Variants in TAFA2 observed in about 807,000 individuals in gnomAD.
The protein encoded by TAFA2 is TAFA chemokine like family member 2.
Under a neutral mutation model 18.8 loss-of-function variants are expected in TAFA2, and 7 were observed. The ratio of observed to expected loss-of-function variants is 0.37; its 90% CI spans 0.21 to 0.70. The LOEUF is 0.70. Among genes scored for constraint, TAFA2 ranks in the 30% least tolerant of loss-of-function variants. TAFA2 has a pLI of 0.53. For synonymous variants in TAFA2, 60 were observed against 54.2 expected (o/e 1.11, Z -0.47); for missense variants, 122 against 158.1 (o/e 0.77, Z 1.23).
At chr12:62,187,012 A>G (rs2062590714) in intron 1 of TAFA2, among the ~76,000 whole-genome samples, 1 of 152,164 alleles carries the variant, frequency 6.6e-6, no homozygotes, top group Non-Finnish European at 1.5e-5. Flanking sequence ...AATTTGGAGT[A>G]TGATATCAAT....
At chr12:62,181,877 T>C (rs1417252227) in intron 1 of TAFA2, among the ~76,000 whole-genome samples, 2 of 152,222 alleles carry the variant, frequency 1.3e-5, no homozygotes, top group African/African-American at 2.4e-5. Context: ...GAATCACTTA[T>C]GGAAAGTTAT....
At chr12:62,146,284 C>CTTTTTTT (rs11415151) in intron 1 of TAFA2, among the ~76,000 whole-genome samples, 1 of 117,714 alleles carries the variant, frequency 8.5e-6, no homozygotes, top group Non-Finnish European at 1.7e-5. Context: ...CCCTTTGCTG[C>CTTTTTTT]TTTTTTTTTT....
intron 4 of TAFA2, among the ~76,000 whole-genome samples, chr12:61,727,161 T>C (rs1186701735): frequency 2.0e-5 from 3 of 152,072 alleles, no homozygotes; most frequent in Non-Finnish European, 4.4e-5. Context: ...TGCATCTATG[T>C]TCATCAAGGA....
At chr12:62,089,847 T>C (rs1044643873) in intron 1 of TAFA2, among the ~76,000 whole-genome samples, 4 of 152,124 alleles carry the variant, frequency 2.6e-5, no homozygotes, top group Admixed American at 6.6e-5. Context: ...CTTTTGCTTA[T>C]GCAAATATCA....
intron 1 of TAFA2, among the ~76,000 whole-genome samples, chr12:61,954,712 T>C (rs1878591944): frequency 6.6e-6 from 1 of 152,174 alleles, no homozygotes; most frequent in African/African-American, 2.4e-5. Flanking sequence ...TGTGAGCTGC[T>C]TATTACAATG....
chr12:62,232,776 T>G lies in TAFA2; in HGVS notation c.-130+25987A>C, dbSNP rs190618574. 1.8e-3 allele frequency among the ~76,000 whole-genome samples: 274 copies of G among 151,954 alleles called. 1 individual carries two copies. Among genetic ancestry groups the G allele is most frequent in the African/African-American group, 6.5e-3 (270 of 41,438 alleles). ...ATCCACCCGCCTCAGCCTCCCAAAGTGCTGAGATTACAGGCATGAGCCACC... is the reference window on the plus strand; with the variant it reads ...ATCCACCCGCCTCAGCCTCCCAAAGGGCTGAGATTACAGGCATGAGCCACC... On this transcript the variant is annotated intron_variant, in intron 1 of 5. Coordinates refer to the TAFA2 transcript ENST00000551619.
At chr12:61,932,749 T>G (rs1284887502) in intron 1 of TAFA2, among the ~76,000 whole-genome samples, 1 of 152,172 alleles carries the variant, frequency 6.6e-6, no homozygotes, top group Admixed American at 6.6e-5. Context: ...CCCATAACTC[T>G]TGTAATGGCC....
At chr12:61,821,443 C>G in intron 2 of TAFA2, among the ~76,000 whole-genome samples, 1 of 151,870 alleles carries the variant, frequency 6.6e-6, no homozygotes, top group East Asian at 1.9e-4. Context: ...CATCTTTAGA[C>G]AGCCTACTGA....
At chr12:62,000,580 T>C (rs1880346020) in intron 1 of TAFA2, among the ~76,000 whole-genome samples, 1 of 146,472 alleles carries the variant, frequency 6.8e-6, no homozygotes, top group African/African-American at 2.5e-5. Context: ...AATACTACAG[T>C]GATATATCTA....
intron 1 of TAFA2, among the ~76,000 whole-genome samples, chr12:62,040,851 T>C (rs1489687330): frequency 6.6e-6 from 1 of 152,148 alleles, no homozygotes; most frequent in Non-Finnish European, 1.5e-5. Flanking sequence ...AAGAGAGACA[T>C]GTAAAAATTT....
At chr12:61,825,103 A>T (rs1424871466) in intron 2 of TAFA2, among the ~76,000 whole-genome samples, 1 of 152,190 alleles carries the variant, frequency 6.6e-6, no homozygotes, top group African/African-American at 2.4e-5. Context: ...TAAAGGTAAG[A>T]ATGATGGGCA....
At position 61,710,342 on chromosome 12, in the gene TAFA2, G is replaced by A. The variant is rs1344090033; in HGVS notation, c.*64C>T. On this transcript the variant is annotated 3_prime_UTR_variant, in exon 5 of 5. Transcript: ENST00000416284. ...AATCTTCAAGATCACCTCAGGAGTTGAGTTAAGTTTCTATGCGCATGTTCA... is the reference window on the plus strand; with the variant it reads ...AATCTTCAAGATCACCTCAGGAGTTAAGTTAAGTTTCTATGCGCATGTTCA... 6.7e-6 allele frequency: 10 copies of A among 1,498,580 alleles called. No homozygotes were observed. Among genetic ancestry groups the A allele is most frequent in the Non-Finnish European group, 9.3e-6 (10 of 1,075,526 alleles). The allele number at this position is 1,498,580 out of a possible 1,614,324, so 92.8% of individuals were successfully genotyped here.
intron 1 of TAFA2, among the ~76,000 whole-genome samples, chr12:62,097,535 T>A (rs1455421492): frequency 6.6e-6 from 1 of 152,210 alleles, no homozygotes; most frequent in Admixed American, 6.5e-5. Flanking sequence ...TTGTAGGTCA[T>A]GTTAAATATT....
intron 1 of TAFA2, among the ~76,000 whole-genome samples, chr12:62,211,518 T>A (rs2062714151): frequency 6.6e-6 from 1 of 151,332 alleles, no homozygotes; most frequent in Non-Finnish European, 1.5e-5. Flanking sequence ...AGGCGGAGGT[T>A]GCAGTGAGCC....
chr12:61,837,797 G>C (rs1379918105), intron 2 of TAFA2, among the ~76,000 whole-genome samples: 1 of 152,014 alleles, frequency 6.6e-6, no homozygotes, highest in Non-Finnish European at 1.5e-5. Flanking sequence ...CCAATGAAAA[G>C]TGATTATAAT....
chr12:62,137,163 T>C (rs115153803), intron 1 of TAFA2, among the ~76,000 whole-genome samples: 2 of 152,110 alleles, frequency 1.3e-5, no homozygotes, highest in African/African-American at 4.8e-5. Context: ...AGGACAGATA[T>C]GTAGAGAAAT....
rs537484585 is a variant in TAFA2 at position 61,935,399 on chromosome 12, T to C, written c.-1-67973A>G. ...AAAGCCACTAGACCAAATTGCCATT[T>C]AATCCTTGAACCAAGGAAACAATTC... On this transcript the variant is annotated intron_variant, in intron 1 of 4. Transcript: ENST00000416284. Among the ~76,000 whole-genome samples, 3 of 152,322 alleles carry C rather than the reference T, an allele frequency of 2.0e-5. No individual in the cohort carries two copies. The South Asian group carries it at 6.2e-4, about 32-fold the overall frequency.
intron 1 of TAFA2, among the ~76,000 whole-genome samples, chr12:61,974,594 G>A (rs1879364767): frequency 6.6e-6 from 1 of 151,724 alleles, no homozygotes; most frequent in Non-Finnish European, 1.5e-5. Flanking sequence ...GCTGTCAGAT[G>A]GGAAGACAAA....
chr12:61,747,435 A>G (rs1415646945), intron 4 of TAFA2, among the ~76,000 whole-genome samples: 1 of 147,224 alleles, frequency 6.8e-6, no homozygotes, highest in East Asian at 2.0e-4. Flanking sequence ...TTGCGGCATT[A>G]TTCACGATAG....
Sources: gnomAD v4.1 joint callset for allele counts (sites outside exome capture counted in the v4.1 genomes callset) on GRCh38, gnomAD v4.1.1 for gene constraint, MANE v1.5 for transcripts, NCBI Gene and HGNC (gene_info 2026-07-23, HGNC 2026-07-21) for gene names.